The following PSME3IP1 variants were observed in gnomAD, a reference collection of about 807,000 sequenced individuals.
PSME3IP1 encodes proteasome activator subunit 3 interacting protein 1.
Under a neutral mutation model 34.1 loss-of-function variants are expected in PSME3IP1, and 13 were observed. The observed-to-expected ratio is 0.38, with a 90% CI of 0.25 to 0.61. The LOEUF (loss-of-function observed/expected upper bound fraction) is 0.61. Ranked by LOEUF, PSME3IP1 falls within the 20% of genes least tolerant of loss-of-function variation. PSME3IP1 has a pLI of 0.60. For missense variants in PSME3IP1, 237 were observed against 301.4 expected (o/e 0.79, Z 1.58); for synonymous variants, 93 against 114.3 (o/e 0.81, Z 1.19).
chr16:57,156,248 G>A (rs1200263933), intron 6 of PSME3IP1, among the ~76,000 whole-genome samples: 2 of 152,186 alleles, frequency 1.3e-5, no homozygotes, highest in Non-Finnish European at 2.9e-5. Flanking sequence ...GAGAACATAC[G>A]AAAATGATAA....
chr16:57,160,107 G>C (rs2071044351), intron 6 of PSME3IP1, among the ~76,000 whole-genome samples: 1 of 152,090 alleles, frequency 6.6e-6, no homozygotes. Flanking sequence ...TGGCTAACAA[G>C]GTGAAACCCC....
chr16:57,186,088 C>T (rs1247156927), upstream of PSME3IP1: 3 of 985,456 alleles, frequency 3.0e-6, no homozygotes, highest in African/African-American at 5.2e-5. Context: ...CGGAGCTCTT[C>T]CTCCCCGGGA....
rs149936553 is a variant in PSME3IP1 at position 57,169,232 on chromosome 16, G to A, written c.349-2006C>T. On this transcript the variant is annotated intron_variant, in intron 4 of 6. Transcript: ENST00000309137. ...ATCAGCATTCTCTTAAAATTGCACC[G>A]TTTTTTAACATACACAATACTGCTA... is the stretch of plus-strand genomic sequence containing the variant. Among the ~76,000 whole-genome samples the A allele has an allele frequency of 3.1e-3, 465 of 152,208 alleles. 2 individuals are homozygous for A. The highest frequency in any genetic ancestry group is 0.01 in the African/African-American group (430 of 41,532).
At chr16:57,169,583 A>G (rs2072317365) in intron 4 of PSME3IP1, among the ~76,000 whole-genome samples, 1 of 152,124 alleles carries the variant, frequency 6.6e-6, no homozygotes, top group South Asian at 2.1e-4. Flanking sequence ...ATTGTACTGC[A>G]ATGTTACCAG....
intron 6 of PSME3IP1, among the ~76,000 whole-genome samples, chr16:57,159,445 G>A (rs1174475415): frequency 1.3e-5 from 2 of 152,196 alleles, no homozygotes; most frequent in Non-Finnish European, 2.9e-5. Flanking sequence ...AGACAGATGC[G>A]TGACTTGGGA....
chr16:57,183,071 C>T (rs547526367), intron 1 of PSME3IP1, among the ~76,000 whole-genome samples: 2 of 152,144 alleles, frequency 1.3e-5, no homozygotes, highest in Non-Finnish European at 2.9e-5. Flanking sequence ...AGGTTACAGG[C>T]CATAAGAGGC....
intron 6 of PSME3IP1, among the ~76,000 whole-genome samples, chr16:57,159,401 A>G (rs2070955772): frequency 6.6e-6 from 1 of 152,244 alleles, no homozygotes; most frequent in Admixed American, 6.5e-5. Flanking sequence ...AAATTAACAC[A>G]GAAAATTACT....
intron 4 of PSME3IP1, among the ~76,000 whole-genome samples, chr16:57,170,719 TAAAC>T (rs773665065): frequency 3.9e-5 from 6 of 152,180 alleles, no homozygotes; most frequent in Admixed American, 6.5e-5. Context: ...AGGAAAGAGA[TAAAC>T]AAACCAGTAG....
chr16:57,156,227 G>A (rs1269414785), intron 6 of PSME3IP1, among the ~76,000 whole-genome samples: 2 of 152,214 alleles, frequency 1.3e-5, no homozygotes, highest in African/African-American at 4.8e-5. Flanking sequence ...GAAACTAAAC[G>A]TGAATCAAAA....
At chr16:57,176,511 T>A (rs1171395468) in intron 1 of PSME3IP1, among the ~76,000 whole-genome samples, 1 of 152,242 alleles carries the variant, frequency 6.6e-6, no homozygotes, top group South Asian at 2.1e-4. Context: ...CTAAGCAGAT[T>A]TGACTGTTAG....
chr16:57,185,770 G>A, intron 1 of PSME3IP1, 51 bp downstream of exon 1: 2 of 985,490 alleles, frequency 2.0e-6, no homozygotes, highest in Non-Finnish European at 1.2e-6. Flanking sequence ...CTTCCGTAAG[G>A]AAGCTGGAAC....
In PSME3IP1 at chr16:57,154,380, C is replaced by A; in HGVS notation, c.675G>T (p.Glu225Asp). Reference sequence around the variant, plus strand: ...TGGTGCCTTCGCTGTCTGAGCTGGACTCGGAGTCGCTGCTCCCAGAGTAGG... The same window carrying A: ...TGGTGCCTTCGCTGTCTGAGCTGGAATCGGAGTCGCTGCTCCCAGAGTAGG... ...LGAYSGSSDS[E>D]SSSDSEGTIN... Residue 225 changes from glutamate (E) to aspartate (D), a missense_variant, in exon 7 of 7, where the codon GAG becomes GAT. Glu to Asp is a conservative substitution (Grantham distance 45). Coordinates refer to ENST00000309137, the MANE Select transcript of PSME3IP1 (RefSeq NM_024946.4). This position sits in a 1 kb window ranked among gnomAD's most constrained non-coding sequence, Gnocchi z 4.0. 1.2e-6 allele frequency: 2 copies of A among 1,614,094 alleles called. No individual in the cohort carries two copies. Among genetic ancestry groups the A allele is most frequent in the Non-Finnish European group, 8.5e-7 (1 of 1,180,024 alleles).
intron 6 of PSME3IP1, among the ~76,000 whole-genome samples, chr16:57,163,755 C>T (rs2071539325): frequency 1.3e-5 from 2 of 152,160 alleles, no homozygotes; most frequent in Non-Finnish European, 1.5e-5. Context: ...TGGGAGAGTA[C>T]TATTTTCATT....
Position 57,154,048 on chromosome 16 carries a change from T to G in PSME3IP1, c.*242A>C. 2.1e-6 allele frequency: 1 copy of G among 476,436 alleles called. No individual in the cohort carries two copies. Among genetic ancestry groups the G allele is most frequent in the Non-Finnish European group, 3.8e-6 (1 of 266,656 alleles). The allele number at this position is 476,436 out of a possible 1,614,324, so 29.5% of individuals were successfully genotyped here. A position where few individuals can be genotyped will look rare whatever the true frequency, so the allele number is the denominator to read the frequency against. Reference sequence around the variant, plus strand: ...GCTGGGCCTTGCCCTCCTCCCAATATCAGTGAGGAAAGTGGCAGCGGGACA... The same window carrying G: ...GCTGGGCCTTGCCCTCCTCCCAATAGCAGTGAGGAAAGTGGCAGCGGGACA... On this transcript the variant is annotated 3_prime_UTR_variant, in exon 7 of 7. Coordinates refer to ENST00000309137, the MANE Select transcript of PSME3IP1 (RefSeq NM_024946.4). The surrounding 1 kb of genome is among the most constrained non-coding windows in gnomAD (Gnocchi z 4.0).
At chr16:57,170,308 C>T (rs2072418218) in intron 4 of PSME3IP1, among the ~76,000 whole-genome samples, 1 of 152,070 alleles carries the variant, frequency 6.6e-6, no homozygotes, top group Non-Finnish European at 1.5e-5. Flanking sequence ...GTCTCAAACT[C>T]CTGACCTCAA....
rs55835783 is a variant in PSME3IP1, at chr16:57,173,408, T to C, written c.127+320A>G. 6.1e-3 allele frequency among the ~76,000 whole-genome samples: 922 copies of C among 152,212 alleles called. 9 individuals carry two copies. Among genetic ancestry groups the C allele is most frequent in the Non-Finnish European group, 8.3e-3 (564 of 68,002 alleles). On this transcript the variant is annotated intron_variant, in intron 2 of 6. Transcript: ENST00000309137. ...ACTTTGGGAGGCCGAGGCAGGAGGA[T>C]GGCTTGAGCTCAGGAGTTTGGAACC...
intron 5 of PSME3IP1, among the ~76,000 whole-genome samples, chr16:57,166,246 T>A (rs2071854274): frequency 6.6e-6 from 1 of 152,252 alleles, no homozygotes; most frequent in African/African-American, 2.4e-5. Context: ...AAACTTATCA[T>A]TTCGCCCACA....
intron 1 of PSME3IP1, chr16:57,174,748 T>G: frequency 1.1e-6 from 1 of 930,428 alleles, no homozygotes; most frequent in South Asian, 5.0e-5. Context: ...GAAGAACAGA[T>G]CTCCCAACTT....
chr16:57,186,075 C>G, upstream of PSME3IP1: 1 of 985,532 alleles, frequency 1.0e-6, no homozygotes, highest in Non-Finnish European at 1.2e-6. Flanking sequence ...GTAACCCAAT[C>G]CGCGGAGCTC....
Sources: gnomAD v4.1 joint callset for allele counts (sites outside exome capture counted in the v4.1 genomes callset) on GRCh38, gnomAD v4.1.1 for gene constraint, Gnocchi (gnomAD v3.1) non-coding constraint, MANE v1.5 for transcripts, NCBI Gene and HGNC (gene_info 2026-07-23, HGNC 2026-07-21) for gene names.